ANKRD6: variants seen among roughly 807,000 people sequenced by gnomAD.
ANKRD6 encodes ankyrin repeat domain-containing protein 6.
A neutral mutation model predicts 82.3 loss-of-function variants in ANKRD6; 56 were observed. The observed-to-expected ratio is 0.68, with a 90% confidence interval of 0.55 to 0.85. The LOEUF (loss-of-function observed/expected upper bound fraction) is 0.85, where lower values mean the gene tolerates loss of function less well. Ranked by LOEUF, ANKRD6 falls within the 40% of genes least tolerant of loss-of-function variation. The pLI is 0.00. For missense variants in ANKRD6, 852 were observed against 907.6 expected (o/e 0.94, Z 0.79); for synonymous variants, 347 against 352.1 (o/e 0.99, Z 0.16).
At chr6:89,582,492 C>T (rs972844009) in intron 2 of ANKRD6, among the ~76,000 whole-genome samples, 2 of 152,142 alleles carry the variant, frequency 1.3e-5, no homozygotes, top group Non-Finnish European at 1.5e-5. Context: ...TGCCCAGCCC[C>T]GTCTTAATTA....
intron 1 of ANKRD6, among the ~76,000 whole-genome samples, chr6:89,502,329 A>C (rs1332253432): frequency 6.6e-6 from 1 of 152,222 alleles, no homozygotes; most frequent in Non-Finnish European, 1.5e-5. Flanking sequence ...CAGAATAATC[A>C]TTTGAACATT....
At chr6:89,555,383 T>C (rs1786452660) in intron 1 of ANKRD6, among the ~76,000 whole-genome samples, 1 of 152,128 alleles carries the variant, frequency 6.6e-6, no homozygotes, top group Admixed American at 6.6e-5. Context: ...TGTGCTGGCC[T>C]CATTCAATTT....
chr6:89,594,041 G>A (rs2039053), intron 2 of ANKRD6, among the ~76,000 whole-genome samples: 119,880 of 152,138 alleles, frequency 0.79, 47,673 homozygotes, highest in East Asian at 0.88. Context: ...ATTAGCCTGG[G>A]TGCCCATCAG....
intron 1 of ANKRD6, among the ~76,000 whole-genome samples, chr6:89,514,530 C>T (rs532528301): frequency 2.6e-5 from 4 of 151,948 alleles, no homozygotes; most frequent in African/African-American, 7.3e-5. Context: ...ACACCCCTGC[C>T]GTAAATGGAA....
intron 1 of ANKRD6, among the ~76,000 whole-genome samples, chr6:89,545,135 C>T (rs1182630766): frequency 6.6e-6 from 1 of 150,480 alleles, no homozygotes; most frequent in Non-Finnish European, 1.5e-5. Flanking sequence ...ATGGCGTGAA[C>T]CTGGGAGGCG....
chr6:89,531,283 T>C (rs1463295107), intron 1 of ANKRD6, among the ~76,000 whole-genome samples: 5 of 152,210 alleles, frequency 3.3e-5, no homozygotes, highest in African/African-American at 7.2e-5. Context: ...GCGGAAACAA[T>C]AGAATGGAAG....
Position 89,566,870 on chromosome 6 carries a change from A to G in ANKRD6, c.-107A>G. Reference sequence around the variant, plus strand: ...GGCATATTCATAAAGACATCTTCTGATGATTGTGAACATCTTTACCTCTGG... The same window carrying G: ...GGCATATTCATAAAGACATCTTCTGGTGATTGTGAACATCTTTACCTCTGG... On this transcript the variant is annotated 5_prime_UTR_variant, in exon 2 of 16. An upstream start codon of the reference 5' UTR is lost. Transcript: ENST00000339746. The G allele has an allele frequency of 7.0e-7, 1 of 1,433,286 alleles. No individual in the cohort carries two copies. Among genetic ancestry groups the G allele is most frequent in the Non-Finnish European group, 9.4e-7 (1 of 1,058,260 alleles). The allele number at this position is 1,433,286 out of a possible 1,614,324, so 88.8% of individuals were successfully genotyped here.
At chr6:89,530,255 A>C (rs958199383) in intron 1 of ANKRD6, among the ~76,000 whole-genome samples, 3 of 152,206 alleles carry the variant, frequency 2.0e-5, no homozygotes, top group Admixed American at 6.5e-5. Flanking sequence ...ACCCTGTCTC[A>C]GAAGAAAAAA....
At chr6:89,560,625 A>T (rs770183953) in intron 1 of ANKRD6, among the ~76,000 whole-genome samples, 1 of 152,148 alleles carries the variant, frequency 6.6e-6, no homozygotes, top group Non-Finnish European at 1.5e-5. Context: ...GGAGTTTGAG[A>T]CCAGCCTGGC....
At chr6:89,435,810 A>G (rs568413030) in intron 1 of ANKRD6, among the ~76,000 whole-genome samples, 1 of 152,328 alleles carries the variant, frequency 6.6e-6, no homozygotes, top group Non-Finnish European at 1.5e-5. Flanking sequence ...ATTGTGTGGG[A>G]TTTGAAGGAT....
chr6:89,503,510 A>G (rs1163929634), intron 1 of ANKRD6, among the ~76,000 whole-genome samples: 1 of 152,142 alleles, frequency 6.6e-6, no homozygotes, highest in Non-Finnish European at 1.5e-5. Context: ...ACTGCTTACT[A>G]TGTGTGTAGA....
chr6:89,476,614 T>C (rs1366352983), intron 1 of ANKRD6, among the ~76,000 whole-genome samples: 1 of 152,238 alleles, frequency 6.6e-6, no homozygotes, highest in African/African-American at 2.4e-5. Flanking sequence ...CAGTTCTTAA[T>C]ATTGAATATT....
intron 2 of ANKRD6, among the ~76,000 whole-genome samples, chr6:89,580,668 C>T (rs532473350): frequency 5.9e-5 from 9 of 152,006 alleles, no homozygotes; most frequent in South Asian, 2.1e-4. Flanking sequence ...GAGGGATTTG[C>T]GATGCTGGTG....
intron 3 of ANKRD6, 105 bp downstream of exon 3, chr6:89,596,119 C>G (rs931778283): frequency 1.0e-6 from 1 of 971,736 alleles, no homozygotes; most frequent in South Asian, 1.4e-5. Context: ...TAGATGCTCT[C>G]GCAGCACATT....
At chr6:89,600,685 G>T (rs752555787) in intron 3 of ANKRD6, among the ~76,000 whole-genome samples, 1 of 152,074 alleles carries the variant, frequency 6.6e-6, no homozygotes, top group African/African-American at 2.4e-5. Context: ...GGGAAATTCC[G>T]TCACCATTCT....
intron 1 of ANKRD6, among the ~76,000 whole-genome samples, chr6:89,509,679 C>G (rs1488481025): frequency 6.6e-6 from 1 of 152,130 alleles, no homozygotes; most frequent in Non-Finnish European, 1.5e-5. Flanking sequence ...TAGCACTTGC[C>G]AGGTACTGTT....
At chr6:89,517,895 T>C (rs1583042792) in intron 1 of ANKRD6, among the ~76,000 whole-genome samples, 1 of 152,228 alleles carries the variant, frequency 6.6e-6, no homozygotes, top group Admixed American at 6.5e-5. Flanking sequence ...CCTGTGGCAG[T>C]TGCTTGACTT....
intron 2 of ANKRD6, among the ~76,000 whole-genome samples, chr6:89,580,775 C>T (rs1377929483): frequency 6.6e-6 from 1 of 152,126 alleles, no homozygotes; most frequent in Admixed American, 6.5e-5. Flanking sequence ...TTAGGACTTA[C>T]CAGAATGGCG....
At chr6:89,495,488 G>A (rs564019043) in intron 1 of ANKRD6, among the ~76,000 whole-genome samples, 10 of 152,240 alleles carry the variant, frequency 6.6e-5, no homozygotes, top group African/African-American at 9.6e-5. Flanking sequence ...CTCTTTGCAC[G>A]TAGATGTCGG....
Sources: allele counts gnomAD v4.1 joint callset (sites outside exome capture counted in the v4.1 genomes callset), GRCh38; gene constraint gnomAD v4.1.1; transcripts MANE v1.5; gene names NCBI Gene and HGNC (gene_info 2026-07-23, HGNC 2026-07-21).